LGMN: variants seen among roughly 807,000 people sequenced by gnomAD.
LGMN encodes asparaginyl endopeptidase.
A neutral mutation model predicts 56.8 loss-of-function variants in LGMN; 36 were observed. The ratio of observed to expected loss-of-function variants is 0.63; its 90% CI spans 0.49 to 0.84. The LOEUF (loss-of-function observed/expected upper bound fraction) is 0.84. Among genes scored for constraint, LGMN ranks in the 40% least tolerant of loss-of-function variants. The pLI is 0.00. For missense variants in LGMN, 446 were observed against 556.1 expected, an observed-to-expected ratio of 0.80 and a Z score of 1.99; for synonymous variants, 199 against 210.1, an observed-to-expected ratio of 0.95 and a Z score of 0.46.
chr14:92,739,471 G>A lies in LGMN; in HGVS notation c.-29-6656C>T, dbSNP rs74402118. On this transcript the variant is annotated intron_variant, in intron 1 of 13. Coordinates refer to ENST00000334869, the MANE Select transcript of LGMN (RefSeq NM_005606.7). ...TCTCTCCTACATTCACCCCCACCCC[G>A]AATCCATCCAACAAACACGGACTGA... Among the ~76,000 whole-genome samples the A allele has an allele frequency of 5.6e-3, 845 of 152,042 alleles. 10 individuals are homozygous for A. The highest frequency in any genetic ancestry group is 0.02 in the African/African-American group (811 of 41,456).
chr14:92,744,326 T>C (rs1447606556), intron 1 of LGMN, among the ~76,000 whole-genome samples: 3 of 152,224 alleles, frequency 2.0e-5, no homozygotes, highest in Admixed American at 6.5e-5. Context: ...CTGCATACTA[T>C]GGGTAACAGC....
Position 92,717,457 on chromosome 14 carries a change from G to A in LGMN, c.241C>T (p.Pro81Ser), listed in dbSNP as rs1370757452. Reference sequence around the variant, plus strand: ...CTGTTGATCACAATTCCTGGAGTGGGATTGCTGAAAATTAAAGGACACAAT... The same window carrying A: ...CTGTTGATCACAATTCCTGGAGTGGAATTGCTGAAAATTAAAGGACACAAT... ...YDDIAYSEDNPTPGIVINRPN... is the reference protein window; with the variant it reads ...YDDIAYSEDNSTPGIVINRPN... Residue 81 changes from proline (P) to serine (S), a missense_variant, in exon 4 of 14, where the codon CCC becomes TCC. By Grantham distance (74) the Pro-to-Ser change is moderately conservative (BLOSUM62 -1). Coordinates refer to ENST00000334869, the MANE Select transcript of LGMN (RefSeq NM_005606.7). 1.2e-6 allele frequency: 2 copies of A among 1,611,686 alleles called. No homozygotes were observed. The highest frequency in any genetic ancestry group is 1.7e-6 in the Non-Finnish European group (2 of 1,177,994).
intron 1 of LGMN, among the ~76,000 whole-genome samples, chr14:92,744,232 T>C (rs1181046895): frequency 6.6e-6 from 1 of 152,186 alleles, no homozygotes; most frequent in African/African-American, 2.4e-5. Context: ...AGAGAAAATA[T>C]GATTCATTGG....
At position 92,704,723 on chromosome 14, in the gene LGMN, CGAG is replaced by C; in HGVS notation, c.1192-19_1192-17del. 1.2e-6 allele frequency: 2 copies of C among 1,607,032 alleles called. No homozygotes were observed. Among genetic ancestry groups the C allele is most frequent in the Non-Finnish European group, 1.7e-6 (2 of 1,173,596 alleles). ...CATACTCGTACTGGGAGAAAACAAA[CGAG>C]AAGAATGAAACTTCCTCATCTCACC... On this transcript the variant is annotated splice_polypyrimidine_tract_variant and intron_variant, in intron 12 of 13. Coordinates refer to ENST00000334869, the MANE Select transcript of LGMN (RefSeq NM_005606.7).
intron 8 of LGMN, 79 bp from the exon 9 acceptor site, chr14:92,712,034 C>T (rs1595530780): frequency 9.0e-7 from 1 of 1,115,032 alleles, no homozygotes; most frequent in East Asian, 2.3e-5. Flanking sequence ...GTCCTTCTTT[C>T]TCCCCCGGTG....
At position 92,712,888 on chromosome 14, in the gene LGMN, G is replaced by T. The variant is rs771130718; in HGVS notation, c.544-17C>A. 37 of 1,612,042 alleles carry T rather than the reference G, an allele frequency of 2.3e-5. No homozygotes were observed. Among genetic ancestry groups the T allele is most frequent in the Non-Finnish European group, 3.1e-5 (37 of 1,179,018 alleles). The stretch of plus-strand genomic sequence containing the variant: ...GAACACCATCTGTGAGGCAGACGGG[G>T]CAGGTGAGCTCACCCCATCCAGGTA... On this transcript the variant is annotated splice_polypyrimidine_tract_variant and intron_variant, in intron 7 of 13. Transcript: ENST00000334869.
At chr14:92,712,731 C>A in intron 8 of LGMN, 74 bp downstream of exon 8, 1 of 1,409,970 alleles carries the variant, frequency 7.1e-7, no homozygotes, top group Non-Finnish European at 9.9e-7. Context: ...ACGGAGAATG[C>A]TCAGTTCCAT....
chr14:92,712,201 A>T (rs1334880696), intron 8 of LGMN, among the ~76,000 whole-genome samples: 1 of 152,230 alleles, frequency 6.6e-6, no homozygotes, highest in African/African-American at 2.4e-5. Flanking sequence ...GCAAATTGGC[A>T]TGCTTAGGAC....
intron 2 of LGMN, among the ~76,000 whole-genome samples, chr14:92,725,343 G>A (rs1260323553): frequency 6.6e-6 from 1 of 152,162 alleles, no homozygotes; most frequent in African/African-American, 2.4e-5. Context: ...GAGCCCAGGA[G>A]TTTGAGACCA....
rs10139671 is a variant in LGMN, at chr14:92,705,517, A to G, written c.1192-810T>C. Among the ~76,000 whole-genome samples, 264 of 151,656 alleles carry G rather than the reference A, an allele frequency of 1.7e-3. 1 individual carries two copies. Among genetic ancestry groups the G allele is most frequent in the African/African-American group, 6.2e-3 (255 of 41,324 alleles). Reference sequence around the variant, plus strand: ...AACTGTGTCTAAAACAAACAAACAAACAAAAAAAACAAGACTGGAGGGGTA... The same window carrying G: ...AACTGTGTCTAAAACAAACAAACAAGCAAAAAAAACAAGACTGGAGGGGTA... On this transcript the variant is annotated intron_variant, in intron 12 of 13. Transcript: ENST00000334869.
intron 2 of LGMN, 200 bp downstream of exon 2, chr14:92,732,449 G>T: frequency 1.7e-6 from 1 of 572,142 alleles, no homozygotes; most frequent in Non-Finnish European, 3.0e-6. Flanking sequence ...TTCCAAAATG[G>T]CTACACCATC....
intron 2 of LGMN, chr14:92,732,280 G>A (rs1338872317): frequency 2.4e-5 from 5 of 205,180 alleles, no homozygotes; most frequent in East Asian, 2.6e-4. Flanking sequence ...ATCATCTAAC[G>A]GGTAGGTGTC....
rs182063022 is a variant in LGMN, at chr14:92,743,427, C to T, written c.-30+5062G>A. The stretch of plus-strand genomic sequence containing the variant: ...CTGAGGCAGGAGAATGGCGTGCACC[C>T]GGGAGGCGGAGCTTGCAGTGAGCCA... On this transcript the variant is annotated intron_variant, in intron 1 of 13. Coordinates refer to ENST00000334869, the MANE Select transcript of LGMN (RefSeq NM_005606.7). Among the ~76,000 whole-genome samples the T allele has an allele frequency of 4.2e-3, 637 of 151,826 alleles. 3 individuals are homozygous for T. The highest frequency in any genetic ancestry group is 7.9e-3 in the South Asian group (38 of 4,810).
chr14:92,739,306 C>T (rs570638994), intron 1 of LGMN, among the ~76,000 whole-genome samples: 3 of 152,296 alleles, frequency 2.0e-5, no homozygotes, highest in Non-Finnish European at 2.9e-5. Context: ...AAGTGAACGA[C>T]GCCGGCTAAA....
chr14:92,729,946 T>G (rs1327431752), intron 2 of LGMN, among the ~76,000 whole-genome samples: 1 of 152,248 alleles, frequency 6.6e-6, no homozygotes, highest in Non-Finnish European at 1.5e-5. Context: ...TTTGTTCTAT[T>G]TTGATAGTTA....
intron 2 of LGMN, among the ~76,000 whole-genome samples, chr14:92,729,475 C>CAG (rs1555399718): frequency 1.2e-5 from 1 of 86,000 alleles, no homozygotes; most frequent in Non-Finnish European, 2.4e-5. Context: ...ACGCCCCCCC[C>CAG]CCCCGCCCCC....
intron 2 of LGMN, among the ~76,000 whole-genome samples, chr14:92,728,723 T>C (rs1890868790): frequency 6.6e-6 from 1 of 152,208 alleles, no homozygotes. Flanking sequence ...GCCACATGAC[T>C]AGAGTAGTGA....
chr14:92,721,481 A>G lies in LGMN; in HGVS notation c.139-2637T>C, dbSNP rs116206324. Among the ~76,000 whole-genome samples the G allele has an allele frequency of 6.4e-3, 973 of 152,306 alleles. 8 individuals carry two copies. Among genetic ancestry groups the G allele is most frequent in the African/African-American group, 0.023 (940 of 41,546 alleles). Reference sequence around the variant, plus strand: ...CAGAACTGTAAGATAATAAATTTGTATTGTTTCAAGCCATGAAGTCTGTGG... The same window carrying G: ...CAGAACTGTAAGATAATAAATTTGTGTTGTTTCAAGCCATGAAGTCTGTGG... On this transcript the variant is annotated intron_variant, in intron 2 of 13. Coordinates refer to ENST00000334869, the MANE Select transcript of LGMN (RefSeq NM_005606.7).
chr14:92,704,789 G>T, intron 12 of LGMN, 82 bp from the exon 13 acceptor site: 1 of 1,097,056 alleles, frequency 9.1e-7, no homozygotes, highest in Non-Finnish European at 1.4e-6. Flanking sequence ...CAGAGGGGAA[G>T]CATCTTGACC....
Sources: gnomAD v4.1 joint callset for allele counts (sites outside exome capture counted in the v4.1 genomes callset) on GRCh38, gnomAD v4.1.1 for gene constraint, MANE v1.5 for transcripts, NCBI Gene and HGNC (gene_info 2026-07-23, HGNC 2026-07-21) for gene names.